Variants in GLIS3 observed in about 807,000 individuals in gnomAD.
GLIS3 encodes the protein zinc finger protein GLIS3.
Under a neutral mutation model 78.6 loss-of-function variants are expected in GLIS3, and 53 were observed. That is an observed-to-expected ratio of 0.67 (90% CI 0.54 to 0.85). The LOEUF (loss-of-function observed/expected upper bound fraction) is 0.85. Among genes scored for constraint, GLIS3 ranks in the 40% least tolerant of loss-of-function variants. The pLI is 0.00. For synonymous variants in GLIS3, 684 were observed against 509.9 expected (o/e 1.34, Z -4.60); for missense variants, 1,703 against 1,231.1 (o/e 1.38, Z -5.74).
upstream of GLIS3, among the ~76,000 whole-genome samples, chr9:4,302,308 A>G (rs1817108515): frequency 6.6e-6 from 1 of 152,152 alleles, no homozygotes; most frequent in African/African-American, 2.4e-5. Flanking sequence ...TTCCCTCTCT[A>G]GAGACCAGTG....
chr9:4,385,220 T>TTCTTCGTGGATTCCCTC, the GLIS3 span, among the ~76,000 whole-genome samples: 2 of 152,190 alleles, frequency 1.3e-5, no homozygotes, highest in Admixed American at 6.5e-5. Flanking sequence ...CACATTCCGT[T>TTCTTCGTGGATTCCCTC]TCTTCGTGGA....
intron 4 of GLIS3, among the ~76,000 whole-genome samples, chr9:4,027,753 C>G (rs1051935846): frequency 2.0e-5 from 3 of 152,176 alleles, no homozygotes; most frequent in African/African-American, 7.2e-5. Context: ...CCTAACCAGT[C>G]CATTATTTCT....
At chr9:4,396,786 TTA>T in the GLIS3 span, among the ~76,000 whole-genome samples, 1 of 152,104 alleles carries the variant, frequency 6.6e-6, no homozygotes, top group Non-Finnish European at 1.5e-5. Flanking sequence ...GGAACCCAGG[TTA>T]TAACTCTGTT....
At chr9:4,468,542 G>A in the GLIS3 span, among the ~76,000 whole-genome samples, 16 of 152,216 alleles carry the variant, frequency 1.1e-4, no homozygotes, top group African/African-American at 1.2e-4. Context: ...ACTAAACTTC[G>A]TAAGTGAAGG....
At chr9:4,016,547 G>C (rs1218855511) in intron 4 of GLIS3, among the ~76,000 whole-genome samples, 1 of 152,228 alleles carries the variant, frequency 6.6e-6, no homozygotes, top group Non-Finnish European at 1.5e-5. Context: ...TGAGGTGACA[G>C]AGAGGTTCCC....
At chr9:4,318,614 T>C (rs1317618898) in intron 2 of GLIS3, among the ~76,000 whole-genome samples, 1 of 152,158 alleles carries the variant, frequency 6.6e-6, no homozygotes, top group African/African-American at 2.4e-5. Context: ...AGTCCAGATG[T>C]TCACACAGAG....
intron 8 of GLIS3, among the ~76,000 whole-genome samples, chr9:3,872,107 C>G (rs371554589): frequency 6.6e-6 from 1 of 152,196 alleles, no homozygotes; most frequent in Non-Finnish European, 1.5e-5. Context: ...TTTGCTAAAA[C>G]GTAACAAGAG....
the GLIS3 span, among the ~76,000 whole-genome samples, chr9:4,382,003 G>C: frequency 6.6e-6 from 1 of 152,170 alleles, no homozygotes; most frequent in African/African-American, 2.4e-5. Context: ...GACTTTGACA[G>C]CTCCTCTTCA....
chr9:4,367,925 G>C, the GLIS3 span, among the ~76,000 whole-genome samples: 5 of 152,328 alleles, frequency 3.3e-5, no homozygotes, highest in South Asian at 1.0e-3. Context: ...GGAAAGTTAA[G>C]TTCAGAGAGG....
At chr9:4,104,219 C>A (rs1429836076) in intron 4 of GLIS3, among the ~76,000 whole-genome samples, 4 of 152,060 alleles carry the variant, frequency 2.6e-5, no homozygotes, top group Non-Finnish European at 5.9e-5. Flanking sequence ...TTAACAAGTC[C>A]AAAATCAACC....
chr9:4,044,991 G>C (rs1825128623), intron 4 of GLIS3, among the ~76,000 whole-genome samples: 1 of 152,170 alleles, frequency 6.6e-6, no homozygotes, highest in Non-Finnish European at 1.5e-5. Context: ...AAGCTGTTTG[G>C]TAGTGCAGGC....
rs917429431 is a variant in GLIS3, at chr9:3,958,826, T to C, written c.1711-21637A>G. On this transcript the variant is annotated intron_variant, in intron 4 of 10. Coordinates refer to ENST00000381971, the MANE Select transcript of GLIS3 (RefSeq NM_001042413.2). ...ATAGGAGTTCAACGTGCAGAGTGGCTGCTTAGGGAAACAGAAATAATACTG... is the reference window on the plus strand; with the variant it reads ...ATAGGAGTTCAACGTGCAGAGTGGCCGCTTAGGGAAACAGAAATAATACTG... 2.0e-5 allele frequency among the ~76,000 whole-genome samples: 3 copies of C among 152,344 alleles called. No homozygotes were observed. In the East Asian group the frequency reaches 5.8e-4, roughly 29 times the overall value.
chr9:4,041,293 C>T (rs1181018122), intron 4 of GLIS3, among the ~76,000 whole-genome samples: 1 of 152,192 alleles, frequency 6.6e-6, no homozygotes, highest in Admixed American at 6.5e-5. Context: ...CCTCTACCAA[C>T]TAGGGATAAG....
chr9:4,097,596 A>T (rs1830056724), intron 4 of GLIS3, among the ~76,000 whole-genome samples: 1 of 152,186 alleles, frequency 6.6e-6, no homozygotes, highest in South Asian at 2.1e-4. Flanking sequence ...AATGCCAGAG[A>T]TTTTACCAGC....
chr9:3,932,536 C>T, intron 5 of GLIS3, 66 bp from the exon 6 acceptor site: 2 of 1,164,812 alleles, frequency 1.7e-6, no homozygotes, highest in Non-Finnish European at 2.6e-6. Context: ...GAATGTTTTA[C>T]TCAAAGACTA....
intron 2 of GLIS3, among the ~76,000 whole-genome samples, chr9:4,225,032 G>C (rs1436374091): frequency 6.6e-6 from 1 of 151,384 alleles, no homozygotes; most frequent in Non-Finnish European, 1.5e-5. Context: ...CTTCACATTT[G>C]CAATCTCATT....
chr9:4,326,121 G>T (rs1817594677), intron 2 of GLIS3, among the ~76,000 whole-genome samples: 1 of 152,136 alleles, frequency 6.6e-6, no homozygotes, highest in Non-Finnish European at 1.5e-5. Flanking sequence ...CCTAGGTGAT[G>T]GGTTGATCTG....
chr9:4,077,861 T>C (rs1828212807), intron 4 of GLIS3, among the ~76,000 whole-genome samples: 1 of 152,210 alleles, frequency 6.6e-6, no homozygotes, highest in South Asian at 2.1e-4. Flanking sequence ...AGAAATCTGG[T>C]TCCCAGCTCC....
intron 2 of GLIS3, among the ~76,000 whole-genome samples, chr9:4,245,038 T>C (rs1045178256): frequency 7.2e-5 from 11 of 152,202 alleles, no homozygotes; most frequent in South Asian, 4.1e-4. Context: ...AAATAAAAGA[T>C]CTTGGTTCTA....
Sources: allele counts gnomAD v4.1 joint callset (sites outside exome capture counted in the v4.1 genomes callset), GRCh38; gene constraint gnomAD v4.1.1; transcripts MANE v1.5; gene names NCBI Gene and HGNC (gene_info 2026-07-23, HGNC 2026-07-21).